PLCL2: variants seen among roughly 807,000 people sequenced by gnomAD.
PLCL2 encodes inactive phospholipase C-like protein 2.
In PLCL2, 4 loss-of-function variants were observed where a neutral mutation model predicts 79.6. The ratio of observed to expected loss-of-function variants is 0.05; its 90% CI spans 0.02 to 0.11. The LOEUF (loss-of-function observed/expected upper bound fraction) is 0.11. PLCL2 is among the 10% of genes least tolerant of loss of function. PLCL2 has a pLI of 1.00. For missense variants in PLCL2, 895 were observed against 1,291.0 expected, an observed-to-expected ratio of 0.69 and a Z score of 4.70; for synonymous variants, 484 against 457.7, an observed-to-expected ratio of 1.06 and a Z score of -0.73.
At chr3:16,982,668 A>G (rs1559507655) in intron 1 of PLCL2, among the ~76,000 whole-genome samples, 1 of 152,174 alleles carries the variant, frequency 6.6e-6, no homozygotes, top group Non-Finnish European at 1.5e-5. Context: ...GCCCCTTAAC[A>G]CAGTGGGATA....
chr3:17,042,957 A>G lies in PLCL2; in HGVS notation c.3094+8A>G. 6.3e-7 allele frequency: 1 copy of G among 1,593,578 alleles called. No individual in the cohort carries two copies. Among genetic ancestry groups the G allele is most frequent in the South Asian group, 1.1e-5 (1 of 90,636 alleles). On this transcript the variant is annotated splice_region_variant and intron_variant, in intron 4 of 5. Transcript: ENST00000615277. ...TACATTGTCAGAAGGCAGGTAAGTG[A>G]AAGTTTGTTTCCTCTCTTTAAATGA...
At chr3:16,908,127 C>G (rs371171332) in intron 1 of PLCL2, among the ~76,000 whole-genome samples, 2 of 152,074 alleles carry the variant, frequency 1.3e-5, no homozygotes, top group Non-Finnish European at 2.9e-5. Flanking sequence ...GGGAAATGGA[C>G]ACAAATAGAG....
intron 3 of PLCL2, among the ~76,000 whole-genome samples, chr3:17,031,433 T>C (rs1302587278): frequency 6.6e-6 from 1 of 152,198 alleles, no homozygotes; most frequent in Non-Finnish European, 1.5e-5. Context: ...CTTTCATGTC[T>C]GCAGAGAATA....
intron 5 of PLCL2, among the ~76,000 whole-genome samples, chr3:17,084,492 C>T (rs2065195884): frequency 6.6e-6 from 1 of 152,144 alleles, no homozygotes; most frequent in African/African-American, 2.4e-5. Context: ...AAACAATAGA[C>T]CAGTATCTCT....
chr3:17,069,151 A>C (rs527995297), intron 5 of PLCL2, among the ~76,000 whole-genome samples: 1 of 152,316 alleles, frequency 6.6e-6, no homozygotes, highest in South Asian at 2.1e-4. Context: ...TGTGGTCTTG[A>C]TGCATACAAA....
chr3:17,047,610 A>G (rs1006015533), intron 4 of PLCL2, among the ~76,000 whole-genome samples: 1 of 152,214 alleles, frequency 6.6e-6, no homozygotes, highest in Non-Finnish European at 1.5e-5. Flanking sequence ...ATTTTAATCA[A>G]TTTAATGGGA....
intron 1 of PLCL2, among the ~76,000 whole-genome samples, chr3:16,932,327 CTTTG>C (rs891792083): frequency 7.2e-5 from 11 of 152,298 alleles, no homozygotes; most frequent in African/African-American, 2.6e-4. Flanking sequence ...TAGTAACATC[CTTTG>C]TTTGGGAATA....
At chr3:16,965,123 A>G (rs193298057) in intron 1 of PLCL2, among the ~76,000 whole-genome samples, 1 of 152,100 alleles carries the variant, frequency 6.6e-6, no homozygotes, top group East Asian at 1.9e-4. Context: ...GGTATTGCCC[A>G]GGTTTTCTTC....
chr3:16,967,844 A>G lies in PLCL2; in HGVS notation c.328-41830A>G, dbSNP rs372874461. 2.5e-4 allele frequency among the ~76,000 whole-genome samples: 38 copies of G among 152,218 alleles called. 1 individual carries two copies. In the South Asian group the frequency reaches 5.0e-3, roughly 20 times the overall value. ...CATCATGAAATTTTTGCCAAGACCT[A>G]TGTCTCAAATAGCATTTCTTACGTT... On this transcript the variant is annotated intron_variant, in intron 1 of 5. Transcript: ENST00000615277.
intron 1 of PLCL2, among the ~76,000 whole-genome samples, chr3:16,906,536 A>G (rs1021601691): frequency 1.3e-5 from 2 of 152,182 alleles, no homozygotes; most frequent in African/African-American, 2.4e-5. Context: ...TTTTAAAACT[A>G]AAATTTTACT....
intron 3 of PLCL2, among the ~76,000 whole-genome samples, chr3:17,024,189 G>A (rs1257617927): frequency 6.6e-6 from 1 of 152,160 alleles, no homozygotes; most frequent in African/African-American, 2.4e-5. Context: ...CTGTTACCTT[G>A]ACTATTTTTG....
chr3:17,066,857 A>G (rs2124942541), intron 4 of PLCL2, among the ~76,000 whole-genome samples: 1 of 152,312 alleles, frequency 6.6e-6, no homozygotes, highest in African/African-American at 2.4e-5. Context: ...TACACATTTG[A>G]TTATATTTGC....
At chr3:17,086,578 A>G (rs550970837) in intron 5 of PLCL2, among the ~76,000 whole-genome samples, 1 of 152,350 alleles carries the variant, frequency 6.6e-6, no homozygotes, top group East Asian at 1.9e-4. Flanking sequence ...AAGAATGGGT[A>G]AGTTGGACTT....
chr3:16,914,291 A>G (rs183161796), intron 1 of PLCL2, among the ~76,000 whole-genome samples: 71 of 152,358 alleles, frequency 4.7e-4, no homozygotes, highest in Non-Finnish European at 8.7e-4. Flanking sequence ...TATATAGAAC[A>G]GTGAGTGGAG....
At chr3:16,955,192 T>G (rs2063692786) in intron 1 of PLCL2, among the ~76,000 whole-genome samples, 1 of 152,232 alleles carries the variant, frequency 6.6e-6, no homozygotes, top group Non-Finnish European at 1.5e-5. Flanking sequence ...CCATCTTGAA[T>G]TAATTTTTGT....
At chr3:16,943,457 A>G (rs975076388) in intron 1 of PLCL2, among the ~76,000 whole-genome samples, 1 of 152,218 alleles carries the variant, frequency 6.6e-6, no homozygotes, top group African/African-American at 2.4e-5. Flanking sequence ...TGAAGGAAAT[A>G]GTTTTCAAAG....
chr3:17,085,207 T>G (rs1390073931), intron 5 of PLCL2, among the ~76,000 whole-genome samples: 2 of 152,090 alleles, frequency 1.3e-5, no homozygotes, highest in Non-Finnish European at 2.9e-5. Context: ...TGATCATGGC[T>G]CACTGCAGCC....
At chr3:17,052,928 A>G (rs1294668817) in intron 4 of PLCL2, among the ~76,000 whole-genome samples, 2 of 152,234 alleles carry the variant, frequency 1.3e-5, no homozygotes, top group African/African-American at 4.8e-5. Context: ...CCAGTAAAGC[A>G]TCCATCAGGT....
rs762530491 is a variant in PLCL2 at position 17,011,341 on chromosome 3, A to G, written c.1995A>G (p.Val665=). Reference sequence around the variant, plus strand: ...CCAATGAAAATCCAGGGGACTTTGTAAATTACAACAAACGTTTTCTTGCTA... The same window carrying G: ...CCAATGAAAATCCAGGGGACTTTGTGAATTACAACAAACGTTTTCTTGCTA... The part of the protein sequence containing the change: ...KYANENPGDF[V]NYNKRFLARV... Residue 665 remains valine, a synonymous_variant, in exon 2 of 6, where the codon GTA becomes GTG. Coordinates refer to ENST00000615277, the MANE Select transcript of PLCL2 (RefSeq NM_001144382.2). This position sits in a 1 kb window ranked among gnomAD's most constrained non-coding sequence, Gnocchi z 7.9. The G allele has an allele frequency of 6.2e-7, 1 of 1,614,160 alleles. No homozygotes were observed. Among genetic ancestry groups the G allele is most frequent in the East Asian group, 2.2e-5 (1 of 44,886 alleles).
Sources: gnomAD v4.1 joint callset for allele counts (sites outside exome capture counted in the v4.1 genomes callset) on GRCh38, gnomAD v4.1.1 for gene constraint, Gnocchi (gnomAD v3.1) non-coding constraint, MANE v1.5 for transcripts, NCBI Gene and HGNC (gene_info 2026-07-23, HGNC 2026-07-21) for gene names.